The following DLGAP4 variants were observed in gnomAD, a reference collection of about 807,000 sequenced individuals.
The protein encoded by DLGAP4 is DLG associated protein 4, also known as disks large-associated protein 4.
DLGAP4 carries 18 observed loss-of-function variants against 86.9 expected under a neutral mutation model. The observed-to-expected ratio is 0.21, with a 90% CI of 0.14 to 0.31. The LOEUF is 0.31. Ranked by LOEUF, DLGAP4 falls within the 10% of genes least tolerant of loss-of-function variation. The probability of loss-of-function intolerance (pLI) is 1.00; values close to 1 mark genes in which losing one functional copy is unlikely to be tolerated. For missense variants in DLGAP4, 1,085 were observed against 1,362.6 expected (o/e 0.80, Z 3.21); for synonymous variants, 548 against 574.3 (o/e 0.95, Z 0.65).
At chr20:36,409,378 TA>T (rs1042356762) in intron 2 of DLGAP4, among the ~76,000 whole-genome samples, 3 of 146,760 alleles carry the variant, frequency 2.0e-5, no homozygotes, top group East Asian at 2.0e-4. Flanking sequence ...TAAAGTAAAA[TA>T]AAAAAAATTT....
At chr20:36,461,554 C>CGTCT (rs1440406605) in intron 7 of DLGAP4, 9 of 974,924 alleles carry the variant, frequency 9.2e-6, no homozygotes, top group South Asian at 4.5e-5. Context: ...CCAGTCCGTC[C>CGTCT]GTCTGTCCGG....
chr20:36,488,293 A>G (rs1392907802), intron 7 of DLGAP4, among the ~76,000 whole-genome samples: 1 of 151,846 alleles, frequency 6.6e-6, no homozygotes, highest in Non-Finnish European at 1.5e-5. Context: ...CGGCCTCAGC[A>G]CTGCCTAGCT....
chr20:36,371,245 G>A (rs1443608172), intron 2 of DLGAP4, among the ~76,000 whole-genome samples: 2 of 152,222 alleles, frequency 1.3e-5, no homozygotes, highest in Non-Finnish European at 2.9e-5. Context: ...ATGTCATGGA[G>A]CGGGGTAGTC....
intron 1 of DLGAP4, among the ~76,000 whole-genome samples, chr20:36,325,294 G>A (rs1185197028): frequency 1.3e-5 from 2 of 151,840 alleles, no homozygotes; most frequent in Admixed American, 1.3e-4. Context: ...ATTGTTTTTA[G>A]TTTAATTCCA....
intron 7 of DLGAP4, among the ~76,000 whole-genome samples, chr20:36,476,138 C>T (rs1405964692): frequency 1.3e-5 from 2 of 151,870 alleles, no homozygotes; most frequent in African/African-American, 4.8e-5. Context: ...GGATTACACA[C>T]GCGCCCGGCC....
chr20:36,353,059 C>G (rs978903186), intron 1 of DLGAP4, among the ~76,000 whole-genome samples: 1 of 152,156 alleles, frequency 6.6e-6, no homozygotes, highest in Non-Finnish European at 1.5e-5. Context: ...TTCCTTGACT[C>G]TGGTGAATCA....
intron 10 of DLGAP4, among the ~76,000 whole-genome samples, chr20:36,503,298 G>A (rs1212440343): frequency 2.0e-5 from 3 of 152,080 alleles, no homozygotes; most frequent in Non-Finnish European, 4.4e-5. Context: ...GGCACTTAGT[G>A]TATTCACAGT....
Position 36,352,229 on chromosome 20 carries a change from C to T in DLGAP4, c.-303-14816C>T, listed in dbSNP as rs575522203. 9.9e-5 allele frequency among the ~76,000 whole-genome samples: 15 copies of T among 152,172 alleles called. No homozygotes were observed. In the South Asian group the frequency reaches 1.9e-3, roughly 19 times the overall value. On this transcript the variant is annotated intron_variant, in intron 1 of 12. Coordinates refer to ENST00000339266, the MANE Select transcript of DLGAP4 (RefSeq NM_001365621.2). ...TGGTGAGAGTGGGCGATGGCAGAGA[C>T]GCACATGGGGACCAGACCTTGTGGG...
chr20:36,438,380 AT>A (rs67025576), intron 4 of DLGAP4, among the ~76,000 whole-genome samples: 92,140 of 145,880 alleles, frequency 0.63, 30,322 homozygotes, highest in Non-Finnish European at 0.75. Flanking sequence ...TCAAAAAAAA[AT>A]ATATATATAT....
chr20:36,431,586 C>T lies in DLGAP4; in HGVS notation c.-72-60C>T, dbSNP rs951197642. 1.7e-5 allele frequency: 18 copies of T among 1,060,028 alleles called. No homozygotes were observed. The highest frequency in any genetic ancestry group is 1.3e-4 in the African/African-American group (8 of 62,398). 65.7% of individuals were successfully genotyped at this position (1,060,028 alleles called of 1,614,324 possible). The stretch of plus-strand genomic sequence containing the variant: ...CCTTGCGATCTGGATCTGACCTTCC[C>T]GGCACCCCTCCCCGACAATCCAGCT... On this transcript the variant is annotated intron_variant, in intron 2 of 12. Transcript: ENST00000339266. The surrounding 1 kb of genome is among the most constrained non-coding windows in gnomAD (Gnocchi z 5.1).
rs762960878 is a variant in DLGAP4, at chr20:36,500,154, G to A, written c.2100-45G>A. 21 of 1,501,782 alleles carry A rather than the reference G, an allele frequency of 1.4e-5. No homozygotes were observed. The highest frequency in any genetic ancestry group is 1.7e-5 in the Non-Finnish European group (19 of 1,124,476). The allele number at this position is 1,501,782 out of a possible 1,614,324, so 93.0% of individuals were successfully genotyped here. ...GCCTCTGGTCTCTGGCCCTCTTGGTGACTCACTCCTTCCTGTCCCCACCCC... is the reference window on the plus strand; with the variant it reads ...GCCTCTGGTCTCTGGCCCTCTTGGTAACTCACTCCTTCCTGTCCCCACCCC... On this transcript the variant is annotated intron_variant, in intron 9 of 12. Coordinates refer to ENST00000339266, the MANE Select transcript of DLGAP4 (RefSeq NM_001365621.2). This position sits in a 1 kb window ranked among gnomAD's most constrained non-coding sequence, Gnocchi z 4.6.
At chr20:36,425,418 A>T (rs1247888258) in intron 2 of DLGAP4, among the ~76,000 whole-genome samples, 1 of 152,174 alleles carries the variant, frequency 6.6e-6, no homozygotes, top group Non-Finnish European at 1.5e-5. Context: ...TAATTTTTTT[A>T]AAAAGGAAAT....
At position 36,341,026 on chromosome 20, in the gene DLGAP4, T is replaced by C. The variant is rs562419762; in HGVS notation, c.-303-26019T>C. ...CTGGGCCTGCTCCAGGCGGTAGCTC[T>C]GAGGAGAGCTGGGAGGCATTTCTAT... On this transcript the variant is annotated intron_variant, in intron 1 of 12. Transcript: ENST00000339266. Among the ~76,000 whole-genome samples the C allele has an allele frequency of 6.6e-5, 10 of 152,318 alleles. No homozygotes were observed. In the South Asian group the frequency reaches 2.1e-3, roughly 32 times the overall value.
At chr20:36,462,704 GGGGCTCTGA>G in intron 7 of DLGAP4, 1 of 1,419,326 alleles carries the variant, frequency 7.0e-7, no homozygotes, top group East Asian at 2.7e-5. Flanking sequence ...CTAGGGCAAG[GGGGCTCTGA>G]GGCCTCCCAC....
intron 4 of DLGAP4, among the ~76,000 whole-genome samples, chr20:36,438,802 G>T (rs370346302): frequency 6.7e-6 from 1 of 148,942 alleles, no homozygotes; most frequent in African/African-American, 2.5e-5. Flanking sequence ...TCCACCTCCC[G>T]GGTTCAAGCA....
At chr20:36,418,406 C>A (rs1320575396) in intron 2 of DLGAP4, among the ~76,000 whole-genome samples, 2 of 152,214 alleles carry the variant, frequency 1.3e-5, no homozygotes, top group Admixed American at 1.3e-4. Context: ...AGCCACCGTG[C>A]CTGGCCCATT....
At chr20:36,310,909 C>T (rs2065047818) in intron 1 of DLGAP4, among the ~76,000 whole-genome samples, 1 of 152,224 alleles carries the variant, frequency 6.6e-6, no homozygotes, top group Non-Finnish European at 1.5e-5. Context: ...GACAAGCCCA[C>T]TTCCTACTTT....
At chr20:36,385,803 G>C (rs918577341) in intron 2 of DLGAP4, among the ~76,000 whole-genome samples, 1 of 152,216 alleles carries the variant, frequency 6.6e-6, no homozygotes, top group Non-Finnish European at 1.5e-5. Context: ...CATGATTATG[G>C]TGGCTGCCCT....
intron 2 of DLGAP4, among the ~76,000 whole-genome samples, chr20:36,409,606 T>A (rs1479095148): frequency 6.7e-6 from 1 of 150,304 alleles, no homozygotes; most frequent in Non-Finnish European, 1.5e-5. Flanking sequence ...TCCCAGCTAC[T>A]AGGGAGGCTG....
Sources: allele counts gnomAD v4.1 joint callset (sites outside exome capture counted in the v4.1 genomes callset), GRCh38; gene constraint gnomAD v4.1.1; non-coding constraint Gnocchi (gnomAD v3.1); transcripts MANE v1.5; gene names NCBI Gene and HGNC (gene_info 2026-07-23, HGNC 2026-07-21).